PTPRD: variants seen among roughly 807,000 people sequenced by gnomAD.
PTPRD encodes the protein receptor-type tyrosine-protein phosphatase delta.
Under a neutral mutation model 214.5 loss-of-function variants are expected in PTPRD, and 34 were observed. That is an observed-to-expected ratio of 0.16 (90% confidence interval 0.12 to 0.21). The LOEUF (loss-of-function observed/expected upper bound fraction) is 0.21. PTPRD is among the 10% of genes least tolerant of loss of function. PTPRD has a pLI of 1.00. For synonymous variants in PTPRD, 1,128 were observed against 845.7 expected, an observed-to-expected ratio of 1.33 and a Z score of -5.79; for missense variants, 2,545 against 2,398.7, an observed-to-expected ratio of 1.06 and a Z score of -1.27.
At chr9:9,181,190 G>C (rs982961725) in intron 10 of PTPRD, among the ~76,000 whole-genome samples, 1 of 151,610 alleles carries the variant, frequency 6.6e-6, no homozygotes, top group Non-Finnish European at 1.5e-5. Context: ...CATACTAAGG[G>C]CTCAACAAAT....
At chr9:8,763,864 T>C (rs1239124284) in intron 11 of PTPRD, among the ~76,000 whole-genome samples, 5 of 152,168 alleles carry the variant, frequency 3.3e-5, no homozygotes, top group Non-Finnish European at 1.5e-5. Context: ...ACAAAATGTA[T>C]TTCCTTTTTA....
At chr9:9,935,238 G>C (rs1034194951) in intron 5 of PTPRD, among the ~76,000 whole-genome samples, 14 of 151,980 alleles carry the variant, frequency 9.2e-5, no homozygotes, top group Non-Finnish European at 1.9e-4. Flanking sequence ...AATCAGGCAG[G>C]AGAAGGAAAT....
At chr9:9,193,453 T>C (rs1482784349) in intron 9 of PTPRD, among the ~76,000 whole-genome samples, 8 of 152,112 alleles carry the variant, frequency 5.3e-5, no homozygotes, top group Admixed American at 5.2e-4. Flanking sequence ...TTCTGAGAAA[T>C]GTGTTGTCAA....
intron 7 of PTPRD, among the ~76,000 whole-genome samples, chr9:9,657,730 G>C (rs2096546642): frequency 6.6e-6 from 1 of 152,158 alleles, no homozygotes; most frequent in South Asian, 2.1e-4. Context: ...GAAATATAAA[G>C]CATTCTTTGA....
chr9:9,638,325 C>T lies in PTPRD; in HGVS notation c.-286-63544G>A, dbSNP rs141604834. Among the ~76,000 whole-genome samples the T allele has an allele frequency of 1.1e-4, 17 of 152,256 alleles. No homozygotes were observed. In the East Asian group the frequency reaches 3.3e-3, roughly 29 times the overall value. On this transcript the variant is annotated intron_variant, in intron 7 of 45. Coordinates refer to ENST00000381196, the MANE Select transcript of PTPRD (RefSeq NM_002839.4). ...ACGCTGCTGCTAGAGACTTCTTCTG[C>T]CAAATATCCTGGTTCATCACTCTTA...
At chr9:8,829,668 T>A (rs2097249988) in intron 11 of PTPRD, among the ~76,000 whole-genome samples, 1 of 152,154 alleles carries the variant, frequency 6.6e-6, no homozygotes, top group South Asian at 2.1e-4. Context: ...GGGAGCTCGG[T>A]TACTAGGAAG....
intron 11 of PTPRD, among the ~76,000 whole-genome samples, chr9:8,918,200 G>A (rs1370013295): frequency 2.0e-5 from 3 of 152,114 alleles, no homozygotes; most frequent in Non-Finnish European, 2.9e-5. Flanking sequence ...GGCCACCTGG[G>A]CAATGTGTTA....
chr9:9,282,746 C>T (rs1948147505), intron 9 of PTPRD, among the ~76,000 whole-genome samples: 1 of 151,318 alleles, frequency 6.6e-6, no homozygotes, highest in Non-Finnish European at 1.5e-5. Context: ...TAGCTGGAGG[C>T]TAAATGTTAA....
intron 11 of PTPRD, among the ~76,000 whole-genome samples, chr9:8,926,389 A>C (rs2098893115): frequency 6.6e-6 from 1 of 152,172 alleles, no homozygotes; most frequent in Admixed American, 6.6e-5. Flanking sequence ...TTGGGTAAAC[A>C]CTAGGTCCTA....
chr9:9,702,332 G>A (rs146305582), intron 7 of PTPRD, among the ~76,000 whole-genome samples: 1 of 152,164 alleles, frequency 6.6e-6, no homozygotes, highest in Non-Finnish European at 1.5e-5. Flanking sequence ...AATTAATGCA[G>A]AGAATGGGGC....
At chr9:9,766,364 T>C (rs1041242552) in intron 6 of PTPRD, among the ~76,000 whole-genome samples, 2 of 152,184 alleles carry the variant, frequency 1.3e-5, no homozygotes, top group Admixed American at 1.3e-4. Flanking sequence ...CCTAATTCCT[T>C]CCTCTTTTTA....
intron 13 of PTPRD, 59 bp from the exon 14 acceptor site, chr9:8,633,517 A>T: frequency 6.3e-7 from 1 of 1,588,992 alleles, no homozygotes; most frequent in Non-Finnish European, 8.6e-7. Flanking sequence ...CTCTCAGCTA[A>T]AGCTCTCAAT....
intron 3 of PTPRD, among the ~76,000 whole-genome samples, chr9:10,131,421 G>A (rs1030142279): frequency 6.6e-6 from 1 of 152,118 alleles, no homozygotes; most frequent in Non-Finnish European, 1.5e-5. Flanking sequence ...GTATTGTCAA[G>A]TGCTTAACAA....
chr9:8,436,665 G>T lies in PTPRD; in HGVS notation c.4013C>A (p.Pro1338His). 2 of 1,613,040 alleles carry T rather than the reference G, an allele frequency of 1.2e-6. No homozygotes were observed. The highest frequency in any genetic ancestry group is 1.7e-6 in the Non-Finnish European group (2 of 1,179,500). ...TPGMASHPPI[P>H]ILELADHIER... ...AATGTGGTCTGCAAGTTCCAAGATGGGTATTGGAGGATGGCTAGCCATACC... is the reference window on the plus strand; with the variant it reads ...AATGTGGTCTGCAAGTTCCAAGATGTGTATTGGAGGATGGCTAGCCATACC... The change falls in exon 35 of 46, where the codon CCC becomes CAC. Residue 1338 changes from proline (P) to histidine (H), a missense_variant. Physicochemically the swap from Pro to His is moderately conservative, Grantham distance 77 (BLOSUM62 -2). Coordinates refer to ENST00000381196, the MANE Select transcript of PTPRD (RefSeq NM_002839.4).
chr9:10,520,233 G>C (rs567539835), intron 2 of PTPRD, among the ~76,000 whole-genome samples: 85 of 152,284 alleles, frequency 5.6e-4, no homozygotes, highest in African/African-American at 1.9e-3. Context: ...CGGATAATAA[G>C]ATAGCAAAAC....
At chr9:8,829,608 C>G (rs942642903) in intron 11 of PTPRD, among the ~76,000 whole-genome samples, 25 of 152,162 alleles carry the variant, frequency 1.6e-4, no homozygotes, top group African/African-American at 6.0e-4. Flanking sequence ...TTCCCCCTGA[C>G]TTGCACACAG....
At chr9:9,513,337 C>A (rs2096754702) in intron 8 of PTPRD, among the ~76,000 whole-genome samples, 3 of 151,824 alleles carry the variant, frequency 2.0e-5, no homozygotes, top group Admixed American at 2.0e-4. Context: ...CTTTTTATTC[C>A]ATGTGTTGCT....
rs1230626019 is a variant in PTPRD, at chr9:8,754,497, C to T, written c.-103-20551G>A. On this transcript the variant is annotated intron_variant, in intron 11 of 45. Coordinates refer to ENST00000381196, the MANE Select transcript of PTPRD (RefSeq NM_002839.4). ...TATACACAGCTATGTCCCTGTATTG[C>T]AATGGAAAAAGAATCTTTTCAATCA... 2.0e-5 allele frequency among the ~76,000 whole-genome samples: 3 copies of T among 152,178 alleles called. No individual in the cohort carries two copies. The East Asian group carries it at 5.8e-4, about 29-fold the overall frequency.
chr9:10,291,957 T>C (rs1371107330), intron 3 of PTPRD, among the ~76,000 whole-genome samples: 2 of 152,062 alleles, frequency 1.3e-5, no homozygotes, highest in Non-Finnish European at 2.9e-5. Flanking sequence ...AAAGATCTGG[T>C]TAATGGGTTT....
Sources: allele counts gnomAD v4.1 joint callset (sites outside exome capture counted in the v4.1 genomes callset), GRCh38; gene constraint gnomAD v4.1.1; transcripts MANE v1.5; gene names NCBI Gene and HGNC (gene_info 2026-07-23, HGNC 2026-07-21).